Variants in PPT1 observed in about 807,000 individuals in gnomAD.
PPT1 encodes the protein ceroid-palmitoyl-palmitoyl-protein thioesterase 1.
A neutral mutation model predicts 44.0 loss-of-function variants in PPT1; 24 were observed. The ratio of observed to expected loss-of-function variants is 0.54; its 90% CI spans 0.39 to 0.77. The LOEUF (loss-of-function observed/expected upper bound fraction) is 0.77. Ranked by LOEUF, PPT1 falls within the 30% of genes least tolerant of loss-of-function variation. The pLI, the probability that PPT1 is intolerant of heterozygous loss-of-function variation, is 0.00. For synonymous variants in PPT1, 148 were observed against 140.2 expected (o/e 1.06, Z -0.39); for missense variants, 341 against 378.8 (o/e 0.90, Z 0.83).
At chr1:40,084,908 G>A (rs966571537) in intron 5 of PPT1, among the ~76,000 whole-genome samples, 2 of 152,014 alleles carry the variant, frequency 1.3e-5, no homozygotes, top group South Asian at 2.1e-4. Flanking sequence ...TAATGCCAGC[G>A]TCTGGGAAGA....
At position 40,074,165 on chromosome 1, in the gene PPT1, C is replaced by T. The variant is rs1193191643; in HGVS notation, c.817G>A (p.Glu273Lys). The T allele has an allele frequency of 1.9e-5, 30 of 1,614,052 alleles. No individual in the cohort carries two copies. The highest frequency in any genetic ancestry group is 2.7e-5 in the African/African-American group (2 of 74,918). Reference protein sequence around the residue: ...LYTQDRLGLKEMDNAGQLVFL... With the variant: ...LYTQDRLGLKKMDNAGQLVFL... ...ACTAGCTGTCCTGCATTGTCCATTT[C>T]CTTTAGCCCCAGGCGGTCCTGCAGA... The change falls in exon 9 of 9, where the codon GAA becomes AAA. Residue 273 changes from glutamate (E) to lysine (K), a missense_variant. Transcript: ENST00000642050.
At chr1:40,094,734 G>A (rs72668770) in intron 1 of PPT1, among the ~76,000 whole-genome samples, 7,420 of 152,268 alleles carry the variant, frequency 0.049, 253 homozygotes, top group Non-Finnish European at 0.073. Flanking sequence ...CTGCGAGAAA[G>A]CTTAAGCACC....
At chr1:40,094,777 G>T (rs1280780769) in intron 1 of PPT1, among the ~76,000 whole-genome samples, 1 of 152,194 alleles carries the variant, frequency 6.6e-6, no homozygotes, top group Non-Finnish European at 1.5e-5. Context: ...ACTGCCTAGA[G>T]AATTGTCTAT....
chr1:40,078,481 C>T lies in PPT1; in HGVS notation c.726+79G>A. The T allele has an allele frequency of 3.6e-6, 5 of 1,401,628 alleles. No individual in the cohort carries two copies. The South Asian group carries it at 5.8e-5, about 16-fold the overall frequency. The allele number at this position is 1,401,628 out of a possible 1,614,324, so 86.8% of individuals were successfully genotyped here. On this transcript the variant is annotated intron_variant, in intron 7 of 8. Coordinates refer to ENST00000642050, the MANE Select transcript of PPT1 (RefSeq NM_000310.4). The stretch of plus-strand genomic sequence containing the variant: ...CCTCCCAGAGTGCTGGGATTACAGG[C>T]ATGAGCCACCGTGCCCGGCCAGCAG...
In PPT1 at chr1:40,072,859, A is replaced by G. The variant is rs1648306424; in HGVS notation, c.*1202T>C. The G allele has an allele frequency of 6.6e-6, 1 of 152,246 alleles. No individual in the cohort carries two copies. Among genetic ancestry groups the G allele is most frequent in the African/African-American group, 2.4e-5 (1 of 41,464 alleles). The allele number at this position is 152,246 out of a possible 1,614,324, so 9.4% of individuals were successfully genotyped here. A position where few individuals can be genotyped will look rare whatever the true frequency, so the allele number is the denominator to read the frequency against. On this transcript the variant is annotated 3_prime_UTR_variant, in exon 9 of 9. Transcript: ENST00000642050. ...CATAATGGCTAAACTTAGCAGCACC[A>G]ACACGGTTCTTTCATCAAGGCGTAG...
chr1:40,081,423 C>T (rs539753463), intron 5 of PPT1, among the ~76,000 whole-genome samples: 4 of 152,156 alleles, frequency 2.6e-5, no homozygotes, highest in African/African-American at 9.6e-5. Context: ...GTAATCCCAG[C>T]TACTTGGGAG....
At chr1:40,095,815 C>T (rs1321189278) in intron 1 of PPT1, among the ~76,000 whole-genome samples, 2 of 152,164 alleles carry the variant, frequency 1.3e-5, no homozygotes, top group Non-Finnish European at 2.9e-5. Flanking sequence ...TGACGCCCTA[C>T]GATCTATTCT....
rs562889309 is a variant in PPT1 at position 40,089,015 on chromosome 1, G to C, written c.536+395C>G. Among the ~76,000 whole-genome samples the C allele has an allele frequency of 4.2e-3, 640 of 152,194 alleles. 3 individuals are homozygous for C. The highest frequency in any genetic ancestry group is 5.4e-3 in the Non-Finnish European group (364 of 68,004). On this transcript the variant is annotated intron_variant, in intron 5 of 8. Coordinates refer to ENST00000642050, the MANE Select transcript of PPT1 (RefSeq NM_000310.4). ...AAGATCTCATTTGAAGGCCGGGTGT[G>C]GTGGCTCACGCCTGTAATCCCAGCA...
At chr1:40,074,385 CCTTTCTTTT>C (rs1648477096) in intron 8 of PPT1, among the ~76,000 whole-genome samples, 2 of 150,372 alleles carry the variant, frequency 1.3e-5, no homozygotes, top group Non-Finnish European at 3.0e-5. Flanking sequence ...TCTCTTTCTT[CCTTTCTTTT>C]CTTTCTTCTC....
chr1:40,096,268 T>A (rs930919411), intron 1 of PPT1, among the ~76,000 whole-genome samples: 3 of 152,246 alleles, frequency 2.0e-5, no homozygotes, highest in African/African-American at 7.2e-5. Flanking sequence ...TGATATGTTA[T>A]GTTTTACTTG....
chr1:40,084,408 G>C (rs1016549856), intron 5 of PPT1, among the ~76,000 whole-genome samples: 2 of 152,184 alleles, frequency 1.3e-5, no homozygotes, highest in South Asian at 2.1e-4. Context: ...TAAAAGCAGC[G>C]GCAGGGTTTG....
chr1:40,096,462 C>T (rs930636644), intron 1 of PPT1, among the ~76,000 whole-genome samples: 12 of 152,090 alleles, frequency 7.9e-5, no homozygotes, highest in South Asian at 4.1e-4. Flanking sequence ...AGTTTTTCAG[C>T]GCAGACATGA....
chr1:40,080,853 G>A (rs542380910), intron 5 of PPT1, among the ~76,000 whole-genome samples: 11 of 152,212 alleles, frequency 7.2e-5, no homozygotes, highest in East Asian at 1.9e-4. Flanking sequence ...CAGCCTGTGC[G>A]ACAGAGTGAG....
At chr1:40,091,429 A>G (rs1649558399) in intron 3 of PPT1, 30 bp from the exon 4 acceptor site, 2 of 1,563,416 alleles carry the variant, frequency 1.3e-6, no homozygotes, top group African/African-American at 1.4e-5. Flanking sequence ...TTTAGCTCCG[A>G]CTGTCAGATG....
intron 4 of PPT1, 35 bp downstream of exon 4, chr1:40,091,294 A>C: frequency 1.3e-6 from 2 of 1,587,542 alleles, no homozygotes; most frequent in Non-Finnish European, 8.6e-7. Flanking sequence ...TGTGGGTTAG[A>C]ATACAGAAAA....
At chr1:40,090,737 A>T (rs1458387461) in intron 4 of PPT1, among the ~76,000 whole-genome samples, 3 of 152,226 alleles carry the variant, frequency 2.0e-5, no homozygotes, top group African/African-American at 7.2e-5. Context: ...AACCTAAGAT[A>T]CCAAATTACT....
rs1648353351 is a variant in PPT1, at chr1:40,073,110, C to CAA, written c.*949_*950dup. 6.6e-6 allele frequency: 1 copy of CAA among 152,096 alleles called. No individual in the cohort carries two copies. The highest frequency in any genetic ancestry group is 2.4e-5 in the African/African-American group (1 of 41,330). The allele number at this position is 152,096 out of a possible 1,614,324, so 9.4% of individuals were successfully genotyped here. On this transcript the variant is annotated 3_prime_UTR_variant, in exon 9 of 9. Transcript: ENST00000642050. ...TGTAGTATTTTCCAAGCTTTTTGAG[C>CAA]AAACAATCCTTTTCTCATGGAACAC...
intron 8 of PPT1, among the ~76,000 whole-genome samples, chr1:40,074,890 A>C (rs1369355789): frequency 1.3e-5 from 2 of 152,218 alleles, no homozygotes; most frequent in Admixed American, 1.3e-4. Context: ...GCCATAGACG[A>C]CACTGCCTCA....
intron 5 of PPT1, among the ~76,000 whole-genome samples, chr1:40,082,826 G>C (rs1249975284): frequency 2.6e-5 from 4 of 152,186 alleles, no homozygotes; most frequent in African/African-American, 7.2e-5. Flanking sequence ...TTTCAGTGTA[G>C]GTGAAACAGT....
Sources: gnomAD v4.1 joint callset for allele counts (sites outside exome capture counted in the v4.1 genomes callset) on GRCh38, gnomAD v4.1.1 for gene constraint, MANE v1.5 for transcripts, NCBI Gene and HGNC (gene_info 2026-07-23, HGNC 2026-07-21) for gene names.